CCDC171: variants seen among roughly 807,000 people sequenced by gnomAD.
CCDC171 encodes the protein coiled-coil domain containing 171.
Under a neutral mutation model 168.2 loss-of-function variants are expected in CCDC171, and 177 were observed. The observed-to-expected ratio is 1.05, with a 90% confidence interval of 0.93 to 1.19. The LOEUF (loss-of-function observed/expected upper bound fraction) is 1.19. Ranked by LOEUF, CCDC171 falls within the 50% of genes most tolerant of loss-of-function variation. CCDC171 has a pLI of 0.00. For synonymous variants in CCDC171, 687 were observed against 540.8 expected (o/e 1.27, Z -3.75); for missense variants, 1,991 against 1,539.0 (o/e 1.29, Z -4.91).
chr9:16,025,622 A>G (rs985447661), intron 6 of CCDC171, among the ~76,000 whole-genome samples: 3 of 152,240 alleles, frequency 2.0e-5, no homozygotes, highest in Non-Finnish European at 4.4e-5. Context: ...AAAGTAATGA[A>G]GCACTGAAAC....
chr9:16,098,668 C>T, the CCDC171 span, among the ~76,000 whole-genome samples: 1 of 152,210 alleles, frequency 6.6e-6, no homozygotes, highest in Non-Finnish European at 1.5e-5. Context: ...TAACTTAAAA[C>T]ACTACTAGTT....
intron 25 of CCDC171, among the ~76,000 whole-genome samples, chr9:15,962,316 G>A (rs770679857): frequency 1.3e-4 from 20 of 152,034 alleles, no homozygotes; most frequent in South Asian, 4.1e-4. Flanking sequence ...ATTTTTCACC[G>A]CGTAGCTATA....
intron 7 of CCDC171, among the ~76,000 whole-genome samples, chr9:15,647,387 G>A (rs989005352): frequency 1.3e-5 from 2 of 151,922 alleles, no homozygotes; most frequent in African/African-American, 4.8e-5. Context: ...CAGAAGGCAA[G>A]ACATAACTAA....
chr9:15,846,162 ATTTG>A (rs1251650442), intron 21 of CCDC171, among the ~76,000 whole-genome samples: 1 of 152,074 alleles, frequency 6.6e-6, no homozygotes, highest in Non-Finnish European at 1.5e-5. Context: ...TTGGAGTCCA[ATTTG>A]TTTGTTTGCT....
intron 25 of CCDC171, among the ~76,000 whole-genome samples, chr9:15,966,334 A>G (rs372359501): frequency 6.6e-6 from 1 of 152,174 alleles, no homozygotes; most frequent in African/African-American, 2.4e-5. Flanking sequence ...GAACTATGGA[A>G]TGTCCTATTT....
chr9:15,999,507 C>G (rs577959414), intron 3 of CCDC171, among the ~76,000 whole-genome samples: 2 of 152,120 alleles, frequency 1.3e-5, no homozygotes, highest in Non-Finnish European at 2.9e-5. Context: ...AGCACCCGCA[C>G]GCAGCTCGGA....
chr9:16,054,778 T>C (rs781587641), intron 1 of CCDC171, among the ~76,000 whole-genome samples: 1 of 152,222 alleles, frequency 6.6e-6, no homozygotes. Context: ...GGAAGTGTTA[T>C]TGGCATGTTG....
intron 7 of CCDC171, among the ~76,000 whole-genome samples, chr9:15,645,774 G>C (rs1405069645): frequency 6.6e-6 from 1 of 152,304 alleles, no homozygotes; most frequent in Admixed American, 6.5e-5. Flanking sequence ...CGTCTGATTG[G>C]TGTACCTGAA....
At chr9:15,949,098 G>C (rs1190332871) in intron 25 of CCDC171, among the ~76,000 whole-genome samples, 1 of 152,016 alleles carries the variant, frequency 6.6e-6, no homozygotes, top group Admixed American at 6.6e-5. Flanking sequence ...CCCATTGCTT[G>C]TTTTTCTCAG....
intron 10 of CCDC171, among the ~76,000 whole-genome samples, chr9:15,680,020 T>A (rs1424227770): frequency 6.6e-6 from 1 of 152,190 alleles, no homozygotes; most frequent in African/African-American, 2.4e-5. Flanking sequence ...TTCTCCACTC[T>A]CATCCACCTT....
chr9:15,968,746 C>G (rs1339736850), intron 25 of CCDC171, among the ~76,000 whole-genome samples: 2 of 152,064 alleles, frequency 1.3e-5, no homozygotes. Context: ...ACCATGTTGG[C>G]CAGGCTGGTC....
intron 11 of CCDC171, among the ~76,000 whole-genome samples, chr9:15,714,471 C>T (rs968503165): frequency 1.3e-5 from 2 of 152,154 alleles, no homozygotes; most frequent in Non-Finnish European, 2.9e-5. Context: ...CAGTTAATTA[C>T]CTGACCTCTG....
rs560674223 is a variant in CCDC171 at position 15,879,678 on chromosome 9, C to G, written c.3600+5015C>G. ...AATTATTTTTGATGCCTGAGTTGTG[C>G]TCTGCTACATGGCTCTACCACAGTA... On this transcript the variant is annotated intron_variant, in intron 24 of 25. Coordinates refer to ENST00000380701, the MANE Select transcript of CCDC171 (RefSeq NM_173550.4). 2.0e-5 allele frequency among the ~76,000 whole-genome samples: 3 copies of G among 152,148 alleles called. No homozygotes were observed. In the South Asian group the frequency reaches 6.2e-4, roughly 32 times the overall value.
At chr9:15,781,895 C>A (rs1025320484) in intron 20 of CCDC171, among the ~76,000 whole-genome samples, 2 of 152,038 alleles carry the variant, frequency 1.3e-5, no homozygotes, top group African/African-American at 4.8e-5. Flanking sequence ...ACAGATGGGG[C>A]TTTTGGAGCA....
chr9:15,631,507 C>T (rs950519462), intron 7 of CCDC171, among the ~76,000 whole-genome samples: 4 of 152,154 alleles, frequency 2.6e-5, no homozygotes, highest in Admixed American at 1.3e-4. Flanking sequence ...CAATAACAGG[C>T]TCTGAAATTG....
intron 25 of CCDC171, among the ~76,000 whole-genome samples, chr9:15,954,413 C>G (rs1829557703): frequency 6.6e-6 from 1 of 151,782 alleles, no homozygotes; most frequent in African/African-American, 2.4e-5. Context: ...TCCAGTTTTC[C>G]TCATGATTTC....
At chr9:16,068,451 A>G in the CCDC171 span, among the ~76,000 whole-genome samples, 1 of 152,190 alleles carries the variant, frequency 6.6e-6, no homozygotes. Context: ...CTCTTTTTCT[A>G]TGCACACACA....
chr9:15,903,452 C>A (rs1204895695), intron 24 of CCDC171, among the ~76,000 whole-genome samples: 2 of 152,202 alleles, frequency 1.3e-5, no homozygotes, highest in African/African-American at 4.8e-5. Flanking sequence ...CAAACTCCAA[C>A]AGACCTTCAG....
intron 21 of CCDC171, among the ~76,000 whole-genome samples, chr9:15,787,933 T>C (rs2058053431): frequency 1.3e-5 from 2 of 152,238 alleles, no homozygotes; most frequent in African/African-American, 4.8e-5. Flanking sequence ...GATAATGTAA[T>C]GAACTGTGCT....
Sources: allele counts gnomAD v4.1 joint callset (sites outside exome capture counted in the v4.1 genomes callset), GRCh38; gene constraint gnomAD v4.1.1; transcripts MANE v1.5; gene names NCBI Gene and HGNC (gene_info 2026-07-23, HGNC 2026-07-21).